The following CPEB1 variants were observed in gnomAD, a reference collection of about 807,000 sequenced individuals.
CPEB1 encodes cytoplasmic polyadenylation element-binding protein 1.
In CPEB1, 7 loss-of-function variants were observed where a neutral mutation model predicts 65.8. The ratio of observed to expected loss-of-function variants is 0.11; its 90% CI spans 0.06 to 0.20. The LOEUF (loss-of-function observed/expected upper bound fraction) is 0.20. Among genes scored for constraint, CPEB1 ranks in the 10% least tolerant of loss-of-function variants. The pLI is 1.00. For synonymous variants in CPEB1, 262 were observed against 260.0 expected (o/e 1.01, Z -0.08); for missense variants, 551 against 712.2 (o/e 0.77, Z 2.58).
At chr15:82,559,905 G>A (rs1206720782) in intron 4 of CPEB1, among the ~76,000 whole-genome samples, 4 of 152,074 alleles carry the variant, frequency 2.6e-5, no homozygotes, top group African/African-American at 9.7e-5. Flanking sequence ...CTAACATGGC[G>A]AAACCCCGTC....
upstream of CPEB1, chr15:82,648,499 G>C: frequency 6.6e-6 from 1 of 152,382 alleles, no homozygotes; most frequent in East Asian, 1.9e-4. Context: ...GTTCCAGAAA[G>C]TTCCAAAGAC....
chr15:82,580,320 A>C (rs984775361), intron 3 of CPEB1, among the ~76,000 whole-genome samples: 4 of 109,182 alleles, frequency 3.7e-5, no homozygotes, highest in African/African-American at 1.9e-4. Flanking sequence ...ACTCTGTCTT[A>C]AAAAAAAAAA....
chr15:82,630,693 C>T (rs1040868876), intron 1 of CPEB1, among the ~76,000 whole-genome samples: 1 of 152,098 alleles, frequency 6.6e-6, no homozygotes, highest in African/African-American at 2.4e-5. Context: ...GTACATTGTC[C>T]TCCAAGCCAA....
In CPEB1 at chr15:82,556,098, G is replaced by A; in HGVS notation, c.712C>T (p.Leu238=). The change falls in exon 6 of 13, where the codon CTG becomes TTG. Residue 238 remains leucine, a synonymous_variant. Transcript: ENST00000684509. The part of the protein sequence containing the change: ...LISSLRISPP[L]PFLSLSGGGP... ...CCCCCTGACAGAGACAGGAAGGGCA[G>A]AGGTGGAGAAATGCGAAGGCTTGAC... is the stretch of plus-strand genomic sequence containing the variant. The A allele has an allele frequency of 6.2e-7, 1 of 1,608,054 alleles. No homozygotes were observed. Among genetic ancestry groups the A allele is most frequent in the Admixed American group, 1.7e-5 (1 of 58,672 alleles).
At chr15:82,601,111 G>T (rs546712751) in intron 3 of CPEB1, among the ~76,000 whole-genome samples, 1 of 150,650 alleles carries the variant, frequency 6.6e-6, no homozygotes, top group South Asian at 2.1e-4. Flanking sequence ...TCGTCACGTT[G>T]GTCAGGCTGG....
At chr15:82,637,460 AC>A (rs2046756014) in intron 1 of CPEB1, among the ~76,000 whole-genome samples, 1 of 152,100 alleles carries the variant, frequency 6.6e-6, no homozygotes, top group African/African-American at 2.4e-5. Flanking sequence ...CATGTTTAGA[AC>A]TTTTCTTAAC....
chr15:82,601,187 C>A (rs1596086794), intron 3 of CPEB1, among the ~76,000 whole-genome samples: 1 of 149,902 alleles, frequency 6.7e-6, no homozygotes, highest in African/African-American at 2.5e-5. Context: ...GGTTTACAGG[C>A]ATGAGTCACC....
intron 3 of CPEB1, among the ~76,000 whole-genome samples, chr15:82,587,176 G>C (rs1342394224): frequency 2.0e-5 from 3 of 152,162 alleles, no homozygotes; most frequent in Admixed American, 2.0e-4. Flanking sequence ...ATGGTGATGA[G>C]CCATTTAGGT....
chr15:82,638,853 G>A (rs2151375768), intron 1 of CPEB1, among the ~76,000 whole-genome samples: 1 of 152,262 alleles, frequency 6.6e-6, no homozygotes, highest in Non-Finnish European at 1.5e-5. Context: ...AAGTGACACT[G>A]GCTTTTCTGG....
chr15:82,632,393 C>A (rs1033311679), intron 1 of CPEB1, among the ~76,000 whole-genome samples: 1 of 152,162 alleles, frequency 6.6e-6, no homozygotes, highest in Non-Finnish European at 1.5e-5. Flanking sequence ...TTTTAACTGT[C>A]ACCCATCATG....
chr15:82,551,412 TC>T (rs1472001969), intron 9 of CPEB1, among the ~76,000 whole-genome samples: 2 of 152,116 alleles, frequency 1.3e-5, no homozygotes, highest in East Asian at 3.9e-4. Context: ...TGACCCATCA[TC>T]CCCACCGAAA....
At chr15:82,562,420 G>C (rs1255159750) in intron 4 of CPEB1, 1 of 266,746 alleles carries the variant, frequency 3.7e-6, no homozygotes, top group Non-Finnish European at 7.5e-6. Context: ...CAGGAGATGT[G>C]TATACACATT....
At chr15:82,606,011 C>G (rs2043552720) in intron 3 of CPEB1, among the ~76,000 whole-genome samples, 1 of 151,978 alleles carries the variant, frequency 6.6e-6, no homozygotes, top group Non-Finnish European at 1.5e-5. Context: ...GTACTCCAGC[C>G]TGGGCAACAA....
At chr15:82,622,151 G>C (rs1166819120) in intron 3 of CPEB1, among the ~76,000 whole-genome samples, 3 of 152,118 alleles carry the variant, frequency 2.0e-5, no homozygotes, top group Admixed American at 6.6e-5. Context: ...AAGGACTAGG[G>C]AATGTGGAGA....
chr15:82,603,862 C>T (rs1273590748), intron 3 of CPEB1, among the ~76,000 whole-genome samples: 4 of 152,250 alleles, frequency 2.6e-5, no homozygotes, highest in Non-Finnish European at 5.9e-5. Flanking sequence ...CTGTGGAGGA[C>T]GGATAACCCG....
At chr15:82,560,183 AG>A (rs1457510014) in intron 4 of CPEB1, among the ~76,000 whole-genome samples, 1 of 152,238 alleles carries the variant, frequency 6.6e-6, no homozygotes, top group African/African-American at 2.4e-5. Context: ...ATTTTATTCA[AG>A]GTTCCACCCT....
At chr15:82,620,558 G>A (rs2045215100) in intron 3 of CPEB1, among the ~76,000 whole-genome samples, 2 of 152,100 alleles carry the variant, frequency 1.3e-5, no homozygotes, top group Admixed American at 6.5e-5. Flanking sequence ...AACACTTTCG[G>A]AAGCCAAGGC....
At chr15:82,584,149 C>T (rs1299997067) in intron 3 of CPEB1, among the ~76,000 whole-genome samples, 2 of 149,584 alleles carry the variant, frequency 1.3e-5, no homozygotes, top group Admixed American at 6.8e-5. Flanking sequence ...GTCCCAGCTA[C>T]TCAGGAAGCT....
At chr15:82,580,637 G>A (rs541315393) in intron 3 of CPEB1, among the ~76,000 whole-genome samples, 3 of 151,818 alleles carry the variant, frequency 2.0e-5, no homozygotes, top group Admixed American at 6.6e-5. Context: ...CTTTTTTTAC[G>A]CTAAGCTAAA....
Sources: allele counts gnomAD v4.1 joint callset (sites outside exome capture counted in the v4.1 genomes callset), GRCh38; gene constraint gnomAD v4.1.1; transcripts MANE v1.5; gene names NCBI Gene and HGNC (gene_info 2026-07-23, HGNC 2026-07-21).